MTO1: variants seen among roughly 807,000 people sequenced by gnomAD.
MTO1 encodes 5-taurinomethyluridine-[tRNA] synthase subunit MTO1, mitochondrial.
In MTO1, 46 loss-of-function variants were observed where a neutral mutation model predicts 71.6. The ratio of observed to expected loss-of-function variants is 0.64; its 90% CI spans 0.51 to 0.82. The LOEUF (loss-of-function observed/expected upper bound fraction) is 0.82. MTO1 is among the 40% of genes least tolerant of loss of function. The probability of loss-of-function intolerance (pLI) is 0.00; values close to 1 mark genes in which losing one functional copy is unlikely to be tolerated. For missense variants in MTO1, 773 were observed against 867.5 expected (o/e 0.89, Z 1.37); for synonymous variants, 297 against 312.1 (o/e 0.95, Z 0.51).
intron 3 of MTO1, among the ~76,000 whole-genome samples, chr6:73,470,427 C>T (rs1275745700): frequency 5.9e-5 from 9 of 152,082 alleles, no homozygotes; most frequent in South Asian, 2.1e-4. Flanking sequence ...AGGATGTTCT[C>T]GATCTCCTGA....
At chr6:73,477,641 C>T (rs1004727319) in intron 4 of MTO1, among the ~76,000 whole-genome samples, 1 of 151,194 alleles carries the variant, frequency 6.6e-6, no homozygotes, top group African/African-American at 2.4e-5. Flanking sequence ...CAAGTAGCTG[C>T]GACCACAGGT....
intron 9 of MTO1, among the ~76,000 whole-genome samples, chr6:73,485,076 C>T (rs571223414): frequency 6.7e-6 from 1 of 149,866 alleles, no homozygotes; most frequent in Non-Finnish European, 1.5e-5. Flanking sequence ...ATTTATATAA[C>T]ACTATGCTTT....
At chr6:73,465,468 T>TA (rs1292017698) in intron 1 of MTO1, among the ~76,000 whole-genome samples, 4 of 151,462 alleles carry the variant, frequency 2.6e-5, no homozygotes, top group Non-Finnish European at 5.9e-5. Context: ...CCGGCCCTGT[T>TA]TTTTATTTAT....
intron 11 of MTO1, among the ~76,000 whole-genome samples, chr6:73,498,974 G>A (rs1484789512): frequency 2.0e-5 from 3 of 151,976 alleles, no homozygotes; most frequent in African/African-American, 7.3e-5. Context: ...TGATCTGCCC[G>A]CCTTGGCCTC....
At chr6:73,470,168 T>C (rs1188537643) in intron 3 of MTO1, among the ~76,000 whole-genome samples, 3 of 151,990 alleles carry the variant, frequency 2.0e-5, no homozygotes, top group African/African-American at 7.2e-5. Context: ...GGGAGTGTCA[T>C]CTTTTATTTT....
At position 73,501,799 on chromosome 6, in the gene MTO1, G is replaced by T. The variant is rs562069401; in HGVS notation, c.*1064G>T. On this transcript the variant is annotated 3_prime_UTR_variant, in exon 12 of 12. Coordinates refer to ENST00000498286, the MANE Select transcript of MTO1 (RefSeq NM_012123.4). ...CCGTGTCACCTTCGGGCCAAAGCAG[G>T]TACTCAGGAGAGTTCTAAGGGCCCC... 2 of 152,294 alleles carry T rather than the reference G, an allele frequency of 1.3e-5. No individual in the cohort carries two copies. The highest frequency in any genetic ancestry group is 3.9e-4 in the East Asian group (2 of 5,184). The allele number at this position is 152,294 out of a possible 1,614,324, so 9.4% of individuals were successfully genotyped here. A position where few individuals can be genotyped will look rare whatever the true frequency, so the allele number is the denominator to read the frequency against.
At position 73,461,794 on chromosome 6, in the gene MTO1, C is replaced by A. The variant is rs1561936757; in HGVS notation, c.-61C>A. ...GCGCCCTGCAGATTGTCTCTTGTTG[C>A]GTAAGTTTTTTTGACCGTCACTCGT... On this transcript the variant is annotated 5_prime_UTR_variant, in exon 1 of 12. Coordinates refer to ENST00000498286, the MANE Select transcript of MTO1 (RefSeq NM_012123.4). The A allele has an allele frequency of 3.2e-6, 5 of 1,546,690 alleles. No homozygotes were observed. Among genetic ancestry groups the A allele is most frequent in the Non-Finnish European group, 8.9e-7 (1 of 1,126,440 alleles).
At chr6:73,469,654 A>G (rs1053487571) in intron 3 of MTO1, among the ~76,000 whole-genome samples, 1 of 149,592 alleles carries the variant, frequency 6.7e-6, no homozygotes, top group Non-Finnish European at 1.5e-5. Flanking sequence ...AAAACACTTA[A>G]CTGGAAGATT....
intron 3 of MTO1, among the ~76,000 whole-genome samples, chr6:73,469,561 G>A (rs1192816752): frequency 6.6e-6 from 1 of 152,178 alleles, no homozygotes; most frequent in African/African-American, 2.4e-5. Flanking sequence ...GGCGGAGGTT[G>A]CAGTGAGCCG....
At position 73,500,590 on chromosome 6, in the gene MTO1, G is replaced by A. The variant is rs758448974; in HGVS notation, c.1934G>A (p.Arg645His). The A allele has an allele frequency of 2.0e-5, 32 of 1,612,262 alleles. No individual in the cohort carries two copies. Among genetic ancestry groups the A allele is most frequent in the South Asian group, 5.5e-5 (5 of 90,658 alleles). ...GATTTTTAGATCGGGGCTGCTAGTC[G>A]CATACCCGGAGTAACACCTGCCGCC... ...SRPQTIGAAS[R>H]IPGVTPAAII... Residue 645 changes from arginine (R) to histidine (H), a missense_variant, in exon 12 of 12, where the codon CGC becomes CAC. Transcript: ENST00000498286.
intron 9 of MTO1, among the ~76,000 whole-genome samples, chr6:73,485,766 G>A (rs1426550858): frequency 6.6e-6 from 1 of 152,050 alleles, no homozygotes; most frequent in Non-Finnish European, 1.5e-5. Flanking sequence ...GAACTCACTT[G>A]ATCAATGCCC....
intron 9 of MTO1, among the ~76,000 whole-genome samples, chr6:73,484,904 A>C (rs1371474256): frequency 6.6e-6 from 1 of 152,038 alleles, no homozygotes; most frequent in Non-Finnish European, 1.5e-5. Flanking sequence ...AAAATTAGCC[A>C]GGCATGGTGG....
chr6:73,486,695 G>A (rs1375062687), intron 9 of MTO1: 2 of 349,020 alleles, frequency 5.7e-6, no homozygotes, highest in Non-Finnish European at 1.2e-5. Context: ...CCGAGATCAA[G>A]CCATTGCACC....
intron 10 of MTO1, among the ~76,000 whole-genome samples, chr6:73,496,565 T>C (rs556653142): frequency 1.3e-3 from 194 of 151,812 alleles, no homozygotes; most frequent in Non-Finnish European, 2.1e-3. Flanking sequence ...ACATGTGCCA[T>C]GCTGGTGTGC....
At chr6:73,495,899 C>T (rs1350624300) in intron 10 of MTO1, among the ~76,000 whole-genome samples, 1 of 152,060 alleles carries the variant, frequency 6.6e-6, no homozygotes, top group East Asian at 1.9e-4. Context: ...TAGAACTGCC[C>T]TGTGAAGGGC....
intron 9 of MTO1, among the ~76,000 whole-genome samples, chr6:73,491,410 A>AG: frequency 6.6e-6 from 1 of 151,656 alleles, no homozygotes; most frequent in Admixed American, 6.6e-5. Context: ...AAAAAAAAAA[A>AG]AAAGAAGAAG....
At chr6:73,499,130 T>C (rs184483121) in intron 11 of MTO1, among the ~76,000 whole-genome samples, 25 of 152,128 alleles carry the variant, frequency 1.6e-4, no homozygotes, top group African/African-American at 5.1e-4. Context: ...TACAAAAATA[T>C]AGACTGTAGA....
At chr6:73,464,029 C>T (rs548852376) in intron 1 of MTO1, 1 of 152,114 alleles carries the variant, frequency 6.6e-6, no homozygotes. Flanking sequence ...GTGTGAGCCA[C>T]CACACCTGGC....
At chr6:73,468,985 G>A (rs1307394732) in intron 3 of MTO1, among the ~76,000 whole-genome samples, 3 of 151,508 alleles carry the variant, frequency 2.0e-5, no homozygotes, top group Non-Finnish European at 4.4e-5. Flanking sequence ...AGTATCTAGC[G>A]AACTTTGGTT....
Sources: allele counts gnomAD v4.1 joint callset (sites outside exome capture counted in the v4.1 genomes callset), GRCh38; gene constraint gnomAD v4.1.1; transcripts MANE v1.5; gene names NCBI Gene and HGNC (gene_info 2026-07-23, HGNC 2026-07-21).